ATPAF1: variants seen among roughly 807,000 people sequenced by gnomAD.
The protein encoded by ATPAF1 is ATP synthase mitochondrial F1 complex assembly factor 1.
ATPAF1 carries 26 observed loss-of-function variants against 43.9 expected under a neutral mutation model. The ratio of observed to expected loss-of-function variants is 0.59; its 90% CI spans 0.43 to 0.82. The LOEUF is 0.82. Among genes scored for constraint, ATPAF1 ranks in the 40% least tolerant of loss-of-function variants. The pLI, the probability that ATPAF1 is intolerant of heterozygous loss-of-function variation, is 0.00. For synonymous variants in ATPAF1, 157 were observed against 168.0 expected, an observed-to-expected ratio of 0.93 and a Z score of 0.50; for missense variants, 366 against 435.0, an observed-to-expected ratio of 0.84 and a Z score of 1.41.
intron 6 of ATPAF1, among the ~76,000 whole-genome samples, chr1:46,647,431 ATGT>A (rs773119541): frequency 3.9e-5 from 6 of 152,128 alleles, no homozygotes; most frequent in African/African-American, 7.2e-5. Flanking sequence ...ACAGAACACC[ATGT>A]TGTTGCATGT....
chr1:46,655,097 A>C (rs1188571285), intron 4 of ATPAF1, among the ~76,000 whole-genome samples: 1 of 152,146 alleles, frequency 6.6e-6, no homozygotes, highest in African/African-American at 2.4e-5. Context: ...GCCCCCTATA[A>C]AACCATCAGA....
intron 5 of ATPAF1, 63 bp from the exon 6 acceptor site, chr1:46,652,691 A>T: frequency 7.2e-7 from 1 of 1,380,230 alleles, no homozygotes; most frequent in Non-Finnish European, 1.0e-6. Context: ...CCACTATCAC[A>T]TGTAATTCAC....
chr1:46,644,742 C>CATTT (rs60421331), intron 7 of ATPAF1, among the ~76,000 whole-genome samples: 150,169 of 152,258 alleles, frequency 0.99, 74,088 homozygotes, highest in South Asian at 1. Flanking sequence ...AACAAAATAA[C>CATTT]ATTAAACAGA....
rs190083739 is a variant in ATPAF1, at chr1:46,650,474, A to T, written c.588+2107T>A. 2.6e-5 allele frequency among the ~76,000 whole-genome samples: 4 copies of T among 152,330 alleles called. No individual in the cohort carries two copies. The East Asian group carries it at 7.7e-4, about 29-fold the overall frequency. On this transcript the variant is annotated intron_variant, in intron 6 of 8. Transcript: ENST00000574428. ...GGAAAACATTATGAAGTTTCCTCAAAAAACTAAAAAGAGAACTACCACATG... is the reference window on the plus strand; with the variant it reads ...GGAAAACATTATGAAGTTTCCTCAATAAACTAAAAAGAGAACTACCACATG...
chr1:46,651,691 TA>T (rs1241785561), intron 6 of ATPAF1, among the ~76,000 whole-genome samples: 1 of 152,156 alleles, frequency 6.6e-6, no homozygotes, highest in African/African-American at 2.4e-5. Context: ...TGATTGCCAT[TA>T]AACTAAAGAG....
At chr1:46,637,108 T>C (rs112625991) in intron 8 of ATPAF1, among the ~76,000 whole-genome samples, 2 of 152,242 alleles carry the variant, frequency 1.3e-5, no homozygotes, top group Admixed American at 6.5e-5. Context: ...TAATTTGTTA[T>C]GCAGCCATTT....
intron 4 of ATPAF1, among the ~76,000 whole-genome samples, chr1:46,656,720 C>T (rs930742038): frequency 6.6e-6 from 1 of 152,150 alleles, no homozygotes; most frequent in Non-Finnish European, 1.5e-5. Flanking sequence ...ATCAGGCCTC[C>T]TGGGCCTGGC....
At chr1:46,642,481 G>A (rs1675967176) in intron 8 of ATPAF1, among the ~76,000 whole-genome samples, 1 of 152,210 alleles carries the variant, frequency 6.6e-6, no homozygotes, top group African/African-American at 2.4e-5. Flanking sequence ...GCACCTGGAT[G>A]TGCAGAGAGA....
intron 3 of ATPAF1, 96 bp from the exon 4 acceptor site, chr1:46,658,285 A>G: frequency 1.0e-6 from 1 of 971,162 alleles, no homozygotes; most frequent in East Asian, 2.5e-5. Context: ...ATGTCAGGAC[A>G]ATGAAACAGA....
At chr1:46,633,418 G>GAA (rs11403101), downstream of ATPAF1, 220 of 205,768 alleles carry the variant, frequency 1.1e-3, 1 homozygote, top group South Asian at 2.1e-3. Flanking sequence ...ATTTTAGATG[G>GAA]AAAAAAAACC....
rs188505664 is a variant in ATPAF1 at position 46,657,151 on chromosome 1, G to A, written c.489+976C>T. ...CTGGGAATAATGGCACCCACTTCAC[G>A]GGGTGGTTAAGAGAATTTAATGAAA... On this transcript the variant is annotated intron_variant, in intron 4 of 8. Transcript: ENST00000574428. 2.2e-3 allele frequency among the ~76,000 whole-genome samples: 337 copies of A among 152,188 alleles called. 4 individuals are homozygous for A. In the Middle Eastern group the frequency reaches 0.024, roughly 11 times the overall value.
At chr1:46,657,226 T>TTTA (rs1676289251) in intron 4 of ATPAF1, among the ~76,000 whole-genome samples, 1 of 152,216 alleles carries the variant, frequency 6.6e-6, no homozygotes, top group South Asian at 2.1e-4. Flanking sequence ...GTATGCTGCT[T>TTTA]TTATTATTAT....
chr1:46,656,829 C>T (rs192861974), intron 4 of ATPAF1, among the ~76,000 whole-genome samples: 1 of 152,188 alleles, frequency 6.6e-6, no homozygotes. Context: ...GCATATGCCT[C>T]TATTAATAGA....
intron 4 of ATPAF1, among the ~76,000 whole-genome samples, chr1:46,657,110 T>C (rs1676287143): frequency 6.6e-6 from 1 of 152,196 alleles, no homozygotes; most frequent in East Asian, 1.9e-4. Context: ...TAAGTCACAG[T>C]TTCCTCAACT....
At chr1:46,662,130 G>A (rs1676402028) in intron 2 of ATPAF1, among the ~76,000 whole-genome samples, 1 of 151,558 alleles carries the variant, frequency 6.6e-6, no homozygotes, top group Non-Finnish European at 1.5e-5. Context: ...TCCTGACCTC[G>A]TGATCTGCCC....
intron 2 of ATPAF1, among the ~76,000 whole-genome samples, chr1:46,659,216 G>T (rs1369771906): frequency 6.6e-6 from 1 of 151,866 alleles, no homozygotes; most frequent in African/African-American, 2.4e-5. Flanking sequence ...TAAATAAAAA[G>T]AAATAAAAAT....
At chr1:46,648,365 G>A (rs1676096099) in intron 6 of ATPAF1, among the ~76,000 whole-genome samples, 1 of 152,106 alleles carries the variant, frequency 6.6e-6, no homozygotes, top group South Asian at 2.1e-4. Flanking sequence ...ACCCACCTTG[G>A]CCTCCCAAAG....
At chr1:46,662,458 T>TC (rs904595193) in intron 2 of ATPAF1, among the ~76,000 whole-genome samples, 1 of 151,844 alleles carries the variant, frequency 6.6e-6, no homozygotes, top group African/African-American at 2.4e-5. Flanking sequence ...GTTATTTTTT[T>TC]TTTTTTTGCC....
At chr1:46,638,420 C>A (rs1411187480) in intron 8 of ATPAF1, among the ~76,000 whole-genome samples, 1 of 152,126 alleles carries the variant, frequency 6.6e-6, no homozygotes, top group Non-Finnish European at 1.5e-5. Flanking sequence ...AGATCGAGAC[C>A]ATCCTGGCTA....
Sources: gnomAD v4.1 joint callset for allele counts (sites outside exome capture counted in the v4.1 genomes callset) on GRCh38, gnomAD v4.1.1 for gene constraint, MANE v1.5 for transcripts, NCBI Gene and HGNC (gene_info 2026-07-23, HGNC 2026-07-21) for gene names.